Variants in AOPEP observed in about 807,000 individuals in gnomAD.
The protein encoded by AOPEP is aminopeptidase O (putative).
A neutral mutation model predicts 98.1 loss-of-function variants in AOPEP; 77 were observed. The ratio of observed to expected loss-of-function variants is 0.78; its 90% CI spans 0.65 to 0.95. AOPEP has a LOEUF of 0.95. Among genes scored for constraint, AOPEP ranks in the 40% least tolerant of loss-of-function variants. AOPEP has a pLI of 0.00. For synonymous variants in AOPEP, 346 were observed against 365.3 expected, an observed-to-expected ratio of 0.95 and a Z score of 0.60; for missense variants, 1,024 against 1,024.7, an observed-to-expected ratio of 1.00 and a Z score of 0.01.
At chr9:94,988,512 G>A (rs189790403) in intron 11 of AOPEP, among the ~76,000 whole-genome samples, 4 of 152,304 alleles carry the variant, frequency 2.6e-5, no homozygotes, top group Admixed American at 6.5e-5. Context: ...TGACACCGTA[G>A]AGAGAAAGCT....
intron 5 of AOPEP, among the ~76,000 whole-genome samples, chr9:94,877,150 T>C (rs1041656830): frequency 3.3e-5 from 5 of 152,094 alleles, no homozygotes; most frequent in African/African-American, 1.2e-4. Context: ...GGGAAGCTAT[T>C]TGAATGGCCG....
At chr9:94,736,101 A>T (rs1327069220) in intron 1 of AOPEP, among the ~76,000 whole-genome samples, 2 of 152,174 alleles carry the variant, frequency 1.3e-5, no homozygotes, top group African/African-American at 2.4e-5. Context: ...TGCTGTGCGT[A>T]TGTTTTTTAA....
At chr9:94,890,774 T>C (rs1473249105) in intron 5 of AOPEP, among the ~76,000 whole-genome samples, 2 of 152,244 alleles carry the variant, frequency 1.3e-5, no homozygotes, top group Non-Finnish European at 2.9e-5. Context: ...GATTTTCTAT[T>C]GATTTCTTTC....
chr9:94,816,638 C>T (rs938564510), intron 5 of AOPEP, among the ~76,000 whole-genome samples: 21 of 152,100 alleles, frequency 1.4e-4, no homozygotes, highest in East Asian at 3.9e-4. Flanking sequence ...GGTGGGCTAA[C>T]GGGAGACTAA....
the AOPEP span, chr9:95,114,779 G>A: frequency 7.5e-7 from 1 of 1,329,730 alleles, no homozygotes; most frequent in Admixed American, 1.7e-5. Flanking sequence ...ACCACCTGCA[G>A]GGATGACCTG....
chr9:94,812,521 A>G (rs1159819620), intron 5 of AOPEP, among the ~76,000 whole-genome samples: 1 of 152,088 alleles, frequency 6.6e-6, no homozygotes, highest in Non-Finnish European at 1.5e-5. Context: ...TACCTTTGGC[A>G]CACATCCTGC....
the AOPEP span, among the ~76,000 whole-genome samples, chr9:95,130,534 G>T: frequency 9.8e-5 from 15 of 152,344 alleles, no homozygotes; most frequent in African/African-American, 3.6e-4. Flanking sequence ...CAGAGAAGCT[G>T]AAGTTCATTA....
At chr9:94,767,705 C>T (rs1035767774) in intron 2 of AOPEP, among the ~76,000 whole-genome samples, 3 of 152,210 alleles carry the variant, frequency 2.0e-5, no homozygotes, top group African/African-American at 7.2e-5. Context: ...GCCTGTTTTG[C>T]ACCCAAAACA....
At chr9:94,817,750 TG>T (rs1346175665) in intron 5 of AOPEP, among the ~76,000 whole-genome samples, 1 of 152,164 alleles carries the variant, frequency 6.6e-6, no homozygotes, top group Non-Finnish European at 1.5e-5. Context: ...GGCCTAGATT[TG>T]GCATTCCGGA....
At chr9:95,029,380 C>T (rs2064108968) in intron 13 of AOPEP, among the ~76,000 whole-genome samples, 1 of 152,148 alleles carries the variant, frequency 6.6e-6, no homozygotes, top group Admixed American at 6.6e-5. Context: ...TACTGATGAG[C>T]CATGCCCTGT....
intron 3 of AOPEP, among the ~76,000 whole-genome samples, chr9:94,788,184 C>T (rs1241199496): frequency 2.6e-5 from 4 of 152,082 alleles, no homozygotes; most frequent in African/African-American, 9.7e-5. Flanking sequence ...GATCCTCCTA[C>T]CTCAGCCTCC....
At chr9:95,149,884 A>G in the AOPEP span, 1 of 1,563,204 alleles carries the variant, frequency 6.4e-7, no homozygotes, top group Non-Finnish European at 8.7e-7. Flanking sequence ...TAAGAAAAGG[A>G]AAAACGACGC....
chr9:95,091,236 G>T (rs76167852), downstream of AOPEP, among the ~76,000 whole-genome samples: 627 of 152,294 alleles, frequency 4.1e-3, 3 homozygotes, highest in African/African-American at 0.014. Flanking sequence ...ATGGGTGGGG[G>T]TGAGGGGAGG....
intron 13 of AOPEP, among the ~76,000 whole-genome samples, chr9:95,044,261 CT>C (rs2065625256): frequency 1.3e-5 from 2 of 151,988 alleles, no homozygotes; most frequent in Non-Finnish European, 2.9e-5. Flanking sequence ...AAAGTTGATT[CT>C]ATTTTAACAT....
At chr9:94,922,729 T>C (rs2053802962) in intron 5 of AOPEP, among the ~76,000 whole-genome samples, 1 of 152,198 alleles carries the variant, frequency 6.6e-6, no homozygotes, top group Non-Finnish European at 1.5e-5. Context: ...CCACTTGTAA[T>C]TTCTGGGGTT....
intron 11 of AOPEP, among the ~76,000 whole-genome samples, chr9:94,982,522 C>T (rs1564480259): frequency 6.6e-6 from 1 of 151,158 alleles, no homozygotes; most frequent in Non-Finnish European, 1.5e-5. Flanking sequence ...AGGATATACA[C>T]TGAGTAGTTT....
chr9:94,996,422 A>G (rs2061250292), intron 11 of AOPEP, among the ~76,000 whole-genome samples: 1 of 150,034 alleles, frequency 6.7e-6, no homozygotes, highest in East Asian at 2.0e-4. Context: ...TCATCAAGGG[A>G]TGGATGAATC....
At chr9:95,000,687 G>A (rs867285678) in intron 11 of AOPEP, among the ~76,000 whole-genome samples, 4 of 152,112 alleles carry the variant, frequency 2.6e-5, no homozygotes, top group Non-Finnish European at 5.9e-5. Context: ...CAGCCTAGGT[G>A]ACAAGAGCAA....
At chr9:94,814,032 T>G (rs982627513) in intron 5 of AOPEP, among the ~76,000 whole-genome samples, 11 of 152,350 alleles carry the variant, frequency 7.2e-5, no homozygotes, top group African/African-American at 2.6e-4. Flanking sequence ...TATGGGTTTC[T>G]GAACCAAGGG....
Sources: gnomAD v4.1 joint callset for allele counts (sites outside exome capture counted in the v4.1 genomes callset) on GRCh38, gnomAD v4.1.1 for gene constraint, MANE v1.5 for transcripts, NCBI Gene and HGNC (gene_info 2026-07-23, HGNC 2026-07-21) for gene names.